Variants in LUZP1 observed in about 807,000 individuals in gnomAD.
LUZP1 encodes filamin mechanobinding actin cross-linking protein.
LUZP1 carries 25 observed loss-of-function variants against 71.3 expected under a neutral mutation model. The observed-to-expected ratio is 0.35, with a 90% CI of 0.26 to 0.49. The LOEUF (loss-of-function observed/expected upper bound fraction) is 0.49, where lower values mean the gene tolerates loss of function less well. Ranked by LOEUF, LUZP1 falls within the 20% of genes least tolerant of loss-of-function variation. The probability of loss-of-function intolerance (pLI) is 0.99; values close to 1 mark genes in which losing one functional copy is unlikely to be tolerated. For missense variants in LUZP1, 1,142 were observed against 1,300.8 expected (o/e 0.88, Z 1.88); for synonymous variants, 481 against 506.4 (o/e 0.95, Z 0.67).
intron 2 of LUZP1, among the ~76,000 whole-genome samples, chr1:23,115,928 C>T (rs1644074261): frequency 6.6e-6 from 1 of 152,220 alleles, no homozygotes; most frequent in Non-Finnish European, 1.5e-5. Context: ...AGAATCACAT[C>T]TAAAATTGTT....
intron 1 of LUZP1, among the ~76,000 whole-genome samples, chr1:23,173,261 A>AAAAT (rs1475552111): frequency 6.6e-6 from 1 of 151,930 alleles, no homozygotes; most frequent in Non-Finnish European, 1.5e-5. Flanking sequence ...TGTCTCTAAA[A>AAAAT]AAATAAATAA....
At chr1:23,129,923 A>C (rs1557664609) in intron 2 of LUZP1, among the ~76,000 whole-genome samples, 1 of 152,336 alleles carries the variant, frequency 6.6e-6, no homozygotes, top group East Asian at 1.9e-4. Flanking sequence ...AATATTATAA[A>C]TAAATAAGCA....
At chr1:23,102,237 C>T (rs768036602) in intron 3 of LUZP1, among the ~76,000 whole-genome samples, 2 of 152,164 alleles carry the variant, frequency 1.3e-5, no homozygotes, top group Admixed American at 1.3e-4. Flanking sequence ...TTCTAATTCA[C>T]GCTAGCAACA....
At chr1:23,156,877 C>T (rs978415775) in intron 2 of LUZP1, among the ~76,000 whole-genome samples, 1 of 152,170 alleles carries the variant, frequency 6.6e-6, no homozygotes, top group Non-Finnish European at 1.5e-5. Context: ...CAATGCTGAC[C>T]ACTCACTTCC....
intron 2 of LUZP1, among the ~76,000 whole-genome samples, chr1:23,149,079 TAAAAA>T (rs58910170): frequency 4.8e-4 from 18 of 37,410 alleles, no homozygotes; most frequent in African/African-American, 1.2e-3. Flanking sequence ...ACACCTTGCC[TAAAAA>T]AAAAAAAAAA....
chr1:23,098,208 G>A lies in LUZP1; in HGVS notation c.-119-3828C>T, dbSNP rs749152887. ...AGAAGGACAGGAGAGCAGAGGATGT[G>A]TGTGAGGGACTTTAAATTCACTCAG... On this transcript the variant is annotated intron_variant, in intron 3 of 4. Transcript: ENST00000302291. Among the ~76,000 whole-genome samples the A allele has an allele frequency of 3.6e-4, 55 of 152,232 alleles. 1 individual carries two copies. The highest frequency in any genetic ancestry group is 2.8e-4 in the Non-Finnish European group (19 of 68,036).
At chr1:23,088,120 A>T (rs1643793639) in exon 5 of LUZP1, 1 of 152,732 alleles carries the variant, frequency 6.5e-6, no homozygotes, top group Non-Finnish European at 1.5e-5. Flanking sequence ...AAAGCAGGCG[A>T]TGCCAGCAGC....
chr1:23,122,892 G>C (rs1396475373), intron 2 of LUZP1, among the ~76,000 whole-genome samples: 1 of 152,144 alleles, frequency 6.6e-6, no homozygotes. Context: ...TTTCTAATAA[G>C]CAATCGTGCA....
chr1:23,166,893 T>C (rs1644514221), intron 2 of LUZP1, among the ~76,000 whole-genome samples: 2 of 152,328 alleles, frequency 1.3e-5, no homozygotes, highest in South Asian at 4.1e-4. Flanking sequence ...CTGTGTTTGC[T>C]GCCTTCTTCA....
chr1:23,139,264 T>A (rs1236451522), intron 2 of LUZP1, among the ~76,000 whole-genome samples: 1 of 151,732 alleles, frequency 6.6e-6, no homozygotes, highest in Admixed American at 6.6e-5. Context: ...GCATGTACTA[T>A]AAAGTGGGAA....
intron 1 of LUZP1, among the ~76,000 whole-genome samples, chr1:23,175,934 G>C (rs1557705916): frequency 1.3e-5 from 2 of 152,156 alleles, no homozygotes; most frequent in Non-Finnish European, 2.9e-5. Context: ...ACATGCTCAA[G>C]GTCACACAGC....
intron 2 of LUZP1, among the ~76,000 whole-genome samples, chr1:23,135,435 G>T (rs887143817): frequency 1.3e-5 from 2 of 152,164 alleles, no homozygotes; most frequent in South Asian, 2.1e-4. Context: ...TTATGGGGTG[G>T]AGTTGGGTAG....
intron 2 of LUZP1, among the ~76,000 whole-genome samples, chr1:23,148,082 G>A (rs1644357049): frequency 6.6e-6 from 1 of 152,142 alleles, no homozygotes. Flanking sequence ...ATTAAAATAG[G>A]TAGTGTCTTC....
At chr1:23,111,514 T>C (rs1187169356) in intron 2 of LUZP1, among the ~76,000 whole-genome samples, 6 of 152,144 alleles carry the variant, frequency 3.9e-5, no homozygotes, top group African/African-American at 1.2e-4. Context: ...TGAGCCACAG[T>C]TGTCCTACTG....
chr1:23,098,312 T>C (rs944630124), intron 3 of LUZP1, among the ~76,000 whole-genome samples: 2 of 152,132 alleles, frequency 1.3e-5, no homozygotes, highest in Non-Finnish European at 2.9e-5. Flanking sequence ...GAAGGCTTGT[T>C]GGAGTAAGGG....
chr1:23,095,945 T>C (rs888180877), intron 3 of LUZP1, among the ~76,000 whole-genome samples: 4 of 151,912 alleles, frequency 2.6e-5, no homozygotes, highest in African/African-American at 9.7e-5. Context: ...TCACACAGGA[T>C]TCCCACAGAT....
rs549700991 is a variant in LUZP1 at position 23,094,573 on chromosome 1, T to C, written c.-119-193A>G. Among the ~76,000 whole-genome samples the C allele has an allele frequency of 1.3e-5, 2 of 152,336 alleles. No individual in the cohort carries two copies. The highest frequency in any genetic ancestry group is 2.1e-4 in the South Asian group (1 of 4,826). ...TTATGGCCGATATTGAGTTGATACCTCATTTCGCCCTAATAAAGAATGTCA... is the reference window on the plus strand; with the variant it reads ...TTATGGCCGATATTGAGTTGATACCCCATTTCGCCCTAATAAAGAATGTCA... On this transcript the variant is annotated intron_variant, in intron 3 of 4. Transcript: ENST00000302291. This position sits in a 1 kb window ranked among gnomAD's most constrained non-coding sequence, Gnocchi z 4.7.
intron 2 of LUZP1, among the ~76,000 whole-genome samples, chr1:23,156,823 C>T (rs1439063900): frequency 6.6e-6 from 1 of 152,170 alleles, no homozygotes; most frequent in African/African-American, 2.4e-5. Flanking sequence ...ACACAAAATG[C>T]TAGTCTCCAC....
At chr1:23,084,430 T>C (rs549628975) in exon 5 of LUZP1, 9 of 152,110 alleles carry the variant, frequency 5.9e-5, no homozygotes, top group Non-Finnish European at 1.3e-4. Flanking sequence ...CTTTTGTCTC[T>C]CTCTTAAAAG....
Sources: allele counts gnomAD v4.1 joint callset (sites outside exome capture counted in the v4.1 genomes callset), GRCh38; gene constraint gnomAD v4.1.1; non-coding constraint Gnocchi (gnomAD v3.1); transcripts MANE v1.5; gene names NCBI Gene and HGNC (gene_info 2026-07-23, HGNC 2026-07-21).